Variants in TENM4 observed in about 807,000 individuals in gnomAD.
TENM4 encodes teneurin-4.
In TENM4, 82 loss-of-function variants were observed where a neutral mutation model predicts 243.3. The ratio of observed to expected loss-of-function variants is 0.34; its 90% CI spans 0.28 to 0.40. The LOEUF is 0.40. Ranked by LOEUF, TENM4 falls within the 10% of genes least tolerant of loss-of-function variation. The pLI is 1.00. For synonymous variants in TENM4, 1,412 were observed against 1,456.3 expected, an observed-to-expected ratio of 0.97 and a Z score of 0.69; for missense variants, 3,138 against 3,673.3, an observed-to-expected ratio of 0.85 and a Z score of 3.77.
intron 3 of TENM4, among the ~76,000 whole-genome samples, chr11:79,155,134 C>A (rs1208908620): frequency 6.6e-6 from 1 of 152,128 alleles, no homozygotes; most frequent in Admixed American, 6.5e-5. Context: ...TCCCCTGAGA[C>A]CACAACAGCC....
intron 7 of TENM4, among the ~76,000 whole-genome samples, chr11:78,899,560 G>GGA (rs1491278857): frequency 1.2e-5 from 1 of 80,782 alleles, no homozygotes; most frequent in Non-Finnish European, 2.3e-5. Flanking sequence ...CTCAAAAAGC[G>GGA]GGGGGGGGGG....
chr11:78,660,971 G>C (rs897705903), intron 33 of TENM4, among the ~76,000 whole-genome samples: 5 of 152,186 alleles, frequency 3.3e-5, no homozygotes, highest in African/African-American at 9.7e-5. Context: ...ATCTGGGTTT[G>C]AATCCCAGCT....
At chr11:79,038,389 T>C (rs1241949333) in intron 6 of TENM4, among the ~76,000 whole-genome samples, 1 of 152,212 alleles carries the variant, frequency 6.6e-6, no homozygotes, top group Non-Finnish European at 1.5e-5. Context: ...GACTCTGGAA[T>C]TTCAATGCCA....
chr11:79,126,682 TAAAA>T (rs948366000), intron 4 of TENM4, among the ~76,000 whole-genome samples: 1 of 152,044 alleles, frequency 6.6e-6, no homozygotes, highest in Non-Finnish European at 1.5e-5. Flanking sequence ...ATTTGAATAA[TAAAA>T]AAACAGAGAA....
At chr11:78,735,882 C>T (rs1180357800) in intron 20 of TENM4, among the ~76,000 whole-genome samples, 3 of 133,988 alleles carry the variant, frequency 2.2e-5, no homozygotes, top group Non-Finnish European at 1.6e-5. Context: ...TTCTTCCTTT[C>T]CCCCTTTCTC....
At chr11:78,912,184 A>G (rs1341566889) in intron 6 of TENM4, among the ~76,000 whole-genome samples, 1 of 152,154 alleles carries the variant, frequency 6.6e-6, no homozygotes, top group Non-Finnish European at 1.5e-5. Flanking sequence ...GACCACAAAG[A>G]GAGATGAGGT....
intron 14 of TENM4, among the ~76,000 whole-genome samples, chr11:78,806,114 A>T (rs928359239): frequency 6.6e-6 from 1 of 151,950 alleles, no homozygotes; most frequent in East Asian, 1.9e-4. Flanking sequence ...ACACAGCGAG[A>T]TCCTGTCTCT....
At chr11:79,368,238 C>A (rs557686357) in intron 1 of TENM4, among the ~76,000 whole-genome samples, 3 of 152,158 alleles carry the variant, frequency 2.0e-5, no homozygotes, top group African/African-American at 7.2e-5. Flanking sequence ...ACAGACCAAG[C>A]CTCCAGGAAT....
intron 1 of TENM4, among the ~76,000 whole-genome samples, chr11:79,367,903 T>C (rs1285424769): frequency 6.6e-6 from 1 of 151,850 alleles, no homozygotes; most frequent in Non-Finnish European, 1.5e-5. Flanking sequence ...GGATCAAGAG[T>C]TTCAAGCCTC....
chr11:78,997,398 C>T (rs1858202648), intron 6 of TENM4, among the ~76,000 whole-genome samples: 1 of 152,178 alleles, frequency 6.6e-6, no homozygotes, highest in African/African-American at 2.4e-5. Flanking sequence ...AATCTTAAAG[C>T]AAATGTTACC....
chr11:78,967,871 C>T (rs185042561), intron 6 of TENM4, among the ~76,000 whole-genome samples: 31 of 152,342 alleles, frequency 2.0e-4, no homozygotes, highest in African/African-American at 7.5e-4. Context: ...TCAATGAGCC[C>T]AGCTCTGGCT....
At chr11:79,029,678 G>A (rs944255141) in intron 6 of TENM4, among the ~76,000 whole-genome samples, 2 of 152,070 alleles carry the variant, frequency 1.3e-5, no homozygotes, top group South Asian at 2.1e-4. Flanking sequence ...AGGGGCCTTC[G>A]CAGTTGGAAT....
At chr11:79,058,751 G>T (rs1441843292) in intron 6 of TENM4, among the ~76,000 whole-genome samples, 1 of 152,104 alleles carries the variant, frequency 6.6e-6, no homozygotes, top group African/African-American at 2.4e-5. Context: ...CACAGATTCC[G>T]AGAGGCTCAG....
Position 79,069,990 on chromosome 11 carries a change from C to T in TENM4, c.-46G>A, listed in dbSNP as rs766955974. 2.4e-5 allele frequency: 37 copies of T among 1,532,842 alleles called. No individual in the cohort carries two copies. The highest frequency in any genetic ancestry group is 4.6e-4 in the Middle Eastern group (2 of 4,366). 95.0% of individuals were successfully genotyped at this position (1,532,842 alleles called of 1,614,324 possible). A position where few individuals can be genotyped will look rare whatever the true frequency, so the allele number is the denominator to read the frequency against. On this transcript the variant is annotated 5_prime_UTR_variant, in exon 5 of 34. Transcript: ENST00000278550. ...CCACATCCACAAACAGGGTCCTCGC[C>T]GCACTCAGGGCCGAGTGGTCTAGAG...
intron 1 of TENM4, among the ~76,000 whole-genome samples, chr11:79,380,901 G>T (rs1857987962): frequency 6.6e-6 from 1 of 152,156 alleles, no homozygotes. Flanking sequence ...TAAGGCTTGG[G>T]GCTGTGTGAC....
chr11:78,719,562 C>T (rs1293092863), intron 25 of TENM4, among the ~76,000 whole-genome samples: 1 of 152,188 alleles, frequency 6.6e-6, no homozygotes, highest in African/African-American at 2.4e-5. Flanking sequence ...CCTCATGCCA[C>T]TTTGATCTGA....
At chr11:79,065,646 G>C (rs892684571) in intron 5 of TENM4, among the ~76,000 whole-genome samples, 10 of 152,194 alleles carry the variant, frequency 6.6e-5, no homozygotes, top group Non-Finnish European at 1.5e-4. Flanking sequence ...AGAAGATGGG[G>C]ACTGGCAGAG....
chr11:79,210,548 G>A (rs1863936716), intron 3 of TENM4, among the ~76,000 whole-genome samples: 3 of 152,184 alleles, frequency 2.0e-5, no homozygotes, highest in African/African-American at 7.2e-5. Flanking sequence ...GCGTGGAGTC[G>A]TGGGAAAAGC....
chr11:78,829,788 C>A (rs1022406653), intron 12 of TENM4, among the ~76,000 whole-genome samples: 2 of 152,144 alleles, frequency 1.3e-5, no homozygotes, highest in Non-Finnish European at 2.9e-5. Context: ...GGCCTGCAGA[C>A]CCTTCTGTGT....
Sources: allele counts gnomAD v4.1 joint callset (sites outside exome capture counted in the v4.1 genomes callset), GRCh38; gene constraint gnomAD v4.1.1; transcripts MANE v1.5; gene names NCBI Gene and HGNC (gene_info 2026-07-23, HGNC 2026-07-21).